Variants in ELP3 observed in about 807,000 individuals in gnomAD.
The protein encoded by ELP3 is elongator complex protein 3.
Under a neutral mutation model 74.9 loss-of-function variants are expected in ELP3, and 56 were observed. That is an observed-to-expected ratio of 0.75 (90% CI 0.60 to 0.93). The LOEUF is 0.93. Among genes scored for constraint, ELP3 ranks in the 40% least tolerant of loss-of-function variants. The pLI is 0.00. For synonymous variants in ELP3, 222 were observed against 239.8 expected (o/e 0.93, Z 0.68); for missense variants, 573 against 686.5 (o/e 0.83, Z 1.85).
chr8:28,105,274 C>T (rs956979487), intron 3 of ELP3, among the ~76,000 whole-genome samples: 3 of 151,994 alleles, frequency 2.0e-5, no homozygotes, highest in African/African-American at 7.2e-5. Context: ...CCTGTAATCC[C>T]AGCTACTTGG....
intron 7 of ELP3, among the ~76,000 whole-genome samples, chr8:28,126,354 C>T (rs979492545): frequency 3.3e-5 from 5 of 152,250 alleles, no homozygotes; most frequent in East Asian, 1.9e-4. Flanking sequence ...ATTCTGTCAA[C>T]GTAAGGTTTT....
chr8:28,091,585 T>C (rs1052832981), upstream of ELP3, among the ~76,000 whole-genome samples: 4 of 152,188 alleles, frequency 2.6e-5, no homozygotes, highest in African/African-American at 9.7e-5. Flanking sequence ...ATTCCTGTCT[T>C]TATTAATGGG....
Position 28,106,790 on chromosome 8 carries a change from A to T in ELP3, c.329+7A>T. ...TTACAGGAAATATATGTGTGTAAGT[A>T]TGGTGATTTTATTAAATTGTATGTA... On this transcript the variant is annotated splice_region_variant and intron_variant, in intron 4 of 14. Coordinates refer to ENST00000256398, the MANE Select transcript of ELP3 (RefSeq NM_018091.6). 2 of 1,609,190 alleles carry T rather than the reference A, an allele frequency of 1.2e-6. No homozygotes were observed. Among genetic ancestry groups the T allele is most frequent in the Admixed American group, 1.7e-5 (1 of 59,968 alleles).
At chr8:28,133,428 C>CTTTTT (rs34048650) in intron 9 of ELP3, among the ~76,000 whole-genome samples, 2 of 135,562 alleles carry the variant, frequency 1.5e-5, no homozygotes, top group Non-Finnish European at 1.6e-5. Context: ...CTTTTTTTTC[C>CTTTTT]TTTTTTTTTT....
At chr8:28,132,750 C>T (rs1812828886) in intron 9 of ELP3, among the ~76,000 whole-genome samples, 1 of 151,992 alleles carries the variant, frequency 6.6e-6, no homozygotes, top group Admixed American at 6.6e-5. Flanking sequence ...CATGTTGTAG[C>T]CTGGTCTCTG....
intron 7 of ELP3, among the ~76,000 whole-genome samples, chr8:28,124,701 T>G (rs574636347): frequency 3.9e-5 from 6 of 152,262 alleles, no homozygotes; most frequent in African/African-American, 1.4e-4. Context: ...TTGTCAGCCA[T>G]GAAAAAAATC....
chr8:28,096,731 C>T (rs1811267253), intron 1 of ELP3, among the ~76,000 whole-genome samples: 1 of 152,244 alleles, frequency 6.6e-6, no homozygotes, highest in Non-Finnish European at 1.5e-5. Flanking sequence ...TGAGTTTCAA[C>T]TTTACTCCTT....
chr8:28,182,039 G>T (rs975353859), intron 14 of ELP3, among the ~76,000 whole-genome samples: 1 of 152,128 alleles, frequency 6.6e-6, no homozygotes, highest in African/African-American at 2.4e-5. Flanking sequence ...CTCTTGATTT[G>T]TGATTTATTT....
chr8:28,185,054 C>A (rs1026342102), intron 14 of ELP3, among the ~76,000 whole-genome samples: 1 of 151,990 alleles, frequency 6.6e-6, no homozygotes, highest in Non-Finnish European at 1.5e-5. Flanking sequence ...AGTGCACTGT[C>A]TTCTGCACTT....
chr8:28,154,143 C>G (rs893743935), intron 10 of ELP3, among the ~76,000 whole-genome samples: 4 of 152,106 alleles, frequency 2.6e-5, no homozygotes, highest in Non-Finnish European at 5.9e-5. Context: ...ATAGTGCTGT[C>G]CATGAGTTAT....
chr8:28,119,575 TA>T (rs1812277192), intron 7 of ELP3, among the ~76,000 whole-genome samples: 2 of 268 alleles, frequency 7.5e-3, no homozygotes, highest in Admixed American at 0.021. Flanking sequence ...TGGCGTTTTA[TA>T]TATATATATA....
At chr8:28,143,568 T>A (rs1813324758) in intron 10 of ELP3, among the ~76,000 whole-genome samples, 1 of 152,246 alleles carries the variant, frequency 6.6e-6, no homozygotes, top group Non-Finnish European at 1.5e-5. Flanking sequence ...TAGAATAATC[T>A]TCATGGTTAT....
rs1815293133 is a variant in ELP3 at position 28,187,661 on chromosome 8, G to A, written c.1568-1988G>A. 3.3e-5 allele frequency among the ~76,000 whole-genome samples: 5 copies of A among 152,262 alleles called. 1 individual carries two copies. In the South Asian group the frequency reaches 1.0e-3, roughly 32 times the overall value. ...GGCCTTTCTCTTTCATTTTATTCAA[G>A]TCTCTTGATTTGGAATTTGACAGAA... On this transcript the variant is annotated intron_variant, in intron 14 of 14. Coordinates refer to ENST00000256398, the MANE Select transcript of ELP3 (RefSeq NM_018091.6).
intron 14 of ELP3, among the ~76,000 whole-genome samples, chr8:28,179,091 C>T (rs1461834832): frequency 6.6e-6 from 1 of 152,188 alleles, no homozygotes; most frequent in East Asian, 1.9e-4. Flanking sequence ...GTGAAACCTG[C>T]GTATACAGAA....
intron 7 of ELP3, among the ~76,000 whole-genome samples, chr8:28,123,796 G>T (rs1357434024): frequency 2.0e-5 from 3 of 149,336 alleles, no homozygotes; most frequent in African/African-American, 7.5e-5. Context: ...CCGCATCCCT[G>T]GTCTTGCAGT....
intron 14 of ELP3, among the ~76,000 whole-genome samples, chr8:28,175,490 T>C (rs1299469660): frequency 1.3e-5 from 2 of 152,250 alleles, no homozygotes; most frequent in Non-Finnish European, 2.9e-5. Context: ...AATTCCTGTC[T>C]ATTGACATTC....
intron 7 of ELP3, among the ~76,000 whole-genome samples, chr8:28,122,391 C>A (rs764106382): frequency 6.6e-6 from 1 of 152,168 alleles, no homozygotes; most frequent in Non-Finnish European, 1.5e-5. Context: ...CTTCCATAAA[C>A]GTTTGCTAGA....
In ELP3 at chr8:28,171,168, C is replaced by G. The variant is rs557876342; in HGVS notation, c.1567+9090C>G. On this transcript the variant is annotated intron_variant, in intron 14 of 14. Coordinates refer to ENST00000256398, the MANE Select transcript of ELP3 (RefSeq NM_018091.6). The stretch of plus-strand genomic sequence containing the variant: ...GGGTGTACAAATACCTGTTTGAGTT[C>G]TGCTTTCATTTCTTTTGCATATATA... Among the ~76,000 whole-genome samples, 16 of 152,174 alleles carry G rather than the reference C, an allele frequency of 1.1e-4. No homozygotes were observed. In the East Asian group the frequency reaches 2.9e-3, roughly 28 times the overall value.
intron 7 of ELP3, among the ~76,000 whole-genome samples, chr8:28,121,890 A>G (rs1457157996): frequency 1.3e-5 from 2 of 152,204 alleles, no homozygotes; most frequent in Non-Finnish European, 2.9e-5. Flanking sequence ...AGAAGTGGTA[A>G]GAGTGGGCGT....
Sources: gnomAD v4.1 joint callset for allele counts (sites outside exome capture counted in the v4.1 genomes callset) on GRCh38, gnomAD v4.1.1 for gene constraint, MANE v1.5 for transcripts, NCBI Gene and HGNC (gene_info 2026-07-23, HGNC 2026-07-21) for gene names.